MYO18A: variants seen among roughly 807,000 people sequenced by gnomAD.
MYO18A encodes unconventional myosin-XVIIIa.
Under a neutral mutation model 235.8 loss-of-function variants are expected in MYO18A, and 78 were observed. The ratio of observed to expected loss-of-function variants is 0.33; its 90% CI spans 0.28 to 0.40. The LOEUF (loss-of-function observed/expected upper bound fraction) is 0.40, where lower values mean the gene tolerates loss of function less well. Ranked by LOEUF, MYO18A falls within the 10% of genes least tolerant of loss-of-function variation. MYO18A has a pLI of 1.00. For synonymous variants in MYO18A, 977 were observed against 1,077.8 expected, an observed-to-expected ratio of 0.91 and a Z score of 1.83; for missense variants, 2,215 against 2,699.3, an observed-to-expected ratio of 0.82 and a Z score of 3.98.
chr17:29,128,119 C>T (rs2067369576), intron 2 of MYO18A: 13 of 1,063,872 alleles, frequency 1.2e-5, no homozygotes, highest in Non-Finnish European at 1.5e-5. Flanking sequence ...CCCGAGACAT[C>T]AGGCTCCGCA....
chr17:29,138,174 C>T (rs1197210493), intron 2 of MYO18A, among the ~76,000 whole-genome samples: 2 of 152,158 alleles, frequency 1.3e-5, no homozygotes, highest in Non-Finnish European at 2.9e-5. Context: ...TCAGGCAGCC[C>T]CTCAGGCCTG....
At chr17:29,083,258 C>A (rs989322695) in intron 40 of MYO18A, among the ~76,000 whole-genome samples, 1 of 152,090 alleles carries the variant, frequency 6.6e-6, no homozygotes, top group African/African-American at 2.4e-5. Flanking sequence ...TCGGGCAGAG[C>A]TGACCTTAGC....
At chr17:29,133,816 G>C (rs1171782318) in intron 2 of MYO18A, 1 of 1,289,326 alleles carries the variant, frequency 7.8e-7, no homozygotes, top group Admixed American at 2.3e-5. Context: ...CCCAGAAGGC[G>C]AACCTTGATG....
At position 29,117,920 on chromosome 17, in the gene MYO18A, A is replaced by G. The variant is rs1240156246; in HGVS notation, c.2038+125T>C. ...GAAGTGGGGGGCTGAGAAGAGGCACAAGCAAAAGAGGGTTGTCTCAGAACG... is the reference window on the plus strand; with the variant it reads ...GAAGTGGGGGGCTGAGAAGAGGCACGAGCAAAAGAGGGTTGTCTCAGAACG... On this transcript the variant is annotated intron_variant, in intron 10 of 41. Transcript: ENST00000527372. This position sits in a 1 kb window ranked among gnomAD's most constrained non-coding sequence, Gnocchi z 4.6. 8.4e-7 allele frequency: 1 copy of G among 1,191,812 alleles called. No individual in the cohort carries two copies. The highest frequency in any genetic ancestry group is 2.6e-5 in the East Asian group (1 of 38,744). 73.8% of individuals were successfully genotyped at this position (1,191,812 alleles called of 1,614,324 possible).
intron 33 of MYO18A, 43 bp downstream of exon 33, chr17:29,092,812 A>G (rs1568050256): frequency 6.2e-7 from 1 of 1,603,530 alleles, no homozygotes. Flanking sequence ...TGGAAAGGTA[A>G]GCTCTGTTGT....
chr17:29,121,086 A>G lies in MYO18A; in HGVS notation c.1497T>C (p.Ser499=), dbSNP rs2067187441. ...AGCTGGTGGTCTTGCCACTGCCACTACTGCCCAGGAGGATGATTGACTGAT... is the reference window on the plus strand; with the variant it reads ...AGCTGGTGGTCTTGCCACTGCCACTGCTGCCCAGGAGGATGATTGACTGAT... ...RQDQSIILLG[S]SGSGKTTSCQ... is the part of the protein sequence containing the mutation. Residue 499 remains serine (S), a synonymous_variant, in exon 6 of 42, where the codon AGT becomes AGC. Transcript: ENST00000527372. This position sits in a 1 kb window ranked among gnomAD's most constrained non-coding sequence, Gnocchi z 4.2. The G allele has an allele frequency of 6.2e-7, 1 of 1,612,682 alleles. No homozygotes were observed. The highest frequency in any genetic ancestry group is 8.5e-7 in the Non-Finnish European group (1 of 1,179,440).
chr17:29,176,265 A>G (rs755909967), intron 1 of MYO18A, among the ~76,000 whole-genome samples: 6 of 152,120 alleles, frequency 3.9e-5, no homozygotes, highest in East Asian at 3.9e-4. Context: ...CAGTTTAAGG[A>G]TTGCCTTCAT....
intron 2 of MYO18A, among the ~76,000 whole-genome samples, chr17:29,159,396 G>A (rs572387282): frequency 2.6e-5 from 4 of 152,160 alleles, no homozygotes; most frequent in African/African-American, 7.2e-5. Flanking sequence ...CTCACATGGC[G>A]AGACTCAGAT....
At chr17:29,083,153 C>T (rs2066160418) in intron 40 of MYO18A, among the ~76,000 whole-genome samples, 1 of 152,100 alleles carries the variant, frequency 6.6e-6, no homozygotes, top group Non-Finnish European at 1.5e-5. Context: ...CCTGGAGACC[C>T]AGCTGGGCTC....
rs1178527396 is a variant in MYO18A, at chr17:29,111,674, T to C, written c.2740+48A>G. On this transcript the variant is annotated intron_variant, in intron 16 of 41. Transcript: ENST00000527372. The surrounding 1 kb of genome is among the most constrained non-coding windows in gnomAD (Gnocchi z 5.1). ...CCAGGGAGTGCCACCTGGACCCACC[T>C]GTATGTAAGAGGAAGCAGAGGAGCT... 1.2e-6 allele frequency: 2 copies of C among 1,612,192 alleles called. No individual in the cohort carries two copies. Among genetic ancestry groups the C allele is most frequent in the South Asian group, 1.1e-5 (1 of 91,008 alleles).
intron 8 of MYO18A, 103 bp downstream of exon 8, chr17:29,119,232 G>A (rs945752096): frequency 3.7e-6 from 3 of 810,686 alleles, no homozygotes; most frequent in Non-Finnish European, 6.0e-6. Flanking sequence ...AACAGTGCAG[G>A]ATGCGATCAA....
Position 29,106,944 on chromosome 17 carries a change from T to C in MYO18A, c.3441+136A>G. 2 of 818,246 alleles carry C rather than the reference T, an allele frequency of 2.4e-6. No homozygotes were observed. 50.7% of individuals were successfully genotyped at this position (818,246 alleles called of 1,614,324 possible). A position where few individuals can be genotyped will look rare whatever the true frequency, so the allele number is the denominator to read the frequency against. ...TATGGTCTGGGCCCCAGGACACAGC[T>C]GGGTGCTTCCAAAACTGGGAGCCTG... On this transcript the variant is annotated intron_variant, in intron 20 of 41. Coordinates refer to ENST00000527372, the MANE Select transcript of MYO18A (RefSeq NM_078471.4). The surrounding 1 kb of genome is among the most constrained non-coding windows in gnomAD (Gnocchi z 4.6).
rs1240495702 is a variant in MYO18A at position 29,167,018 on chromosome 17, G to A, written c.-78C>T. 9 of 1,449,366 alleles carry A rather than the reference G, an allele frequency of 6.2e-6. No homozygotes were observed. Among genetic ancestry groups the A allele is most frequent in the Non-Finnish European group, 7.3e-6 (8 of 1,099,596 alleles). 89.8% of individuals were successfully genotyped at this position (1,449,366 alleles called of 1,614,324 possible). A position where few individuals can be genotyped will look rare whatever the true frequency, so the allele number is the denominator to read the frequency against. On this transcript the variant is annotated 5_prime_UTR_variant, in exon 2 of 42. It introduces an in-frame stop codon into an upstream open reading frame of the 5' UTR. Coordinates refer to ENST00000527372, the MANE Select transcript of MYO18A (RefSeq NM_078471.4). ...GCACAGGGCCTTGGTGCCCCACTTTGCTGCTGCAAACAGAAACACACAGAG... is the reference window on the plus strand; with the variant it reads ...GCACAGGGCCTTGGTGCCCCACTTTACTGCTGCAAACAGAAACACACAGAG...
rs1367043389 is a variant in MYO18A at position 29,092,460 on chromosome 17, GAC to G, written c.5074-6_5074-5del. On this transcript the variant is annotated splice_region_variant and splice_polypyrimidine_tract_variant and intron_variant, in intron 33 of 41. Transcript: ENST00000527372. ...AGGTGAACTCTGACTCCTCCAGCTG[GAC>G]ACAGACCACCCCCGCCCCAGGGAGA... 4 of 1,608,232 alleles carry G rather than the reference GAC, an allele frequency of 2.5e-6. No individual in the cohort carries two copies. Among genetic ancestry groups the G allele is most frequent in the Non-Finnish European group, 3.4e-6 (4 of 1,178,110 alleles).
chr17:29,178,180 A>G (rs534031996), intron 1 of MYO18A, among the ~76,000 whole-genome samples: 1 of 152,268 alleles, frequency 6.6e-6, no homozygotes, highest in Admixed American at 6.5e-5. Context: ...CCCAGGAGTG[A>G]GGCTGAGAGA....
At chr17:29,171,381 G>A (rs2068400113) in intron 1 of MYO18A, among the ~76,000 whole-genome samples, 1 of 151,940 alleles carries the variant, frequency 6.6e-6, no homozygotes, top group African/African-American at 2.4e-5. Context: ...AGGTTGCAGT[G>A]AGCCAAGATG....
chr17:29,134,372 C>T (rs7211400), intron 2 of MYO18A, among the ~76,000 whole-genome samples: 3,149 of 152,240 alleles, frequency 0.021, 104 homozygotes, highest in African/African-American at 0.071. Flanking sequence ...TGTGAGCTGA[C>T]GTGCCCGGCC....
chr17:29,080,158 T>C, intron 41 of MYO18A: 2 of 986,000 alleles, frequency 2.0e-6, no homozygotes, highest in Non-Finnish European at 2.4e-6. Context: ...GGGGTCCAGT[T>C]GGGCGCTCCG....
chr17:29,095,203 A>G (rs1314996988), intron 28 of MYO18A, 144 bp from the exon 29 acceptor site: 2 of 1,275,270 alleles, frequency 1.6e-6, no homozygotes, highest in Non-Finnish European at 2.1e-6. Flanking sequence ...GTTGTAAGGT[A>G]GCGGTGACAT....
Sources: gnomAD v4.1 joint callset for allele counts (sites outside exome capture counted in the v4.1 genomes callset) on GRCh38, gnomAD v4.1.1 for gene constraint, Gnocchi (gnomAD v3.1) non-coding constraint, MANE v1.5 for transcripts, NCBI Gene and HGNC (gene_info 2026-07-23, HGNC 2026-07-21) for gene names.